TRAPPC6B: variants seen among roughly 807,000 people sequenced by gnomAD.
TRAPPC6B encodes trafficking protein particle complex subunit 6B, also known as TRAPP complex subunit 6B.
Under a neutral mutation model 24.7 loss-of-function variants are expected in TRAPPC6B, and 27 were observed. That is an observed-to-expected ratio of 1.09 (90% CI 0.81 to 1.51). The LOEUF is 1.51. Ranked by LOEUF, TRAPPC6B falls within the 40% of genes most tolerant of loss-of-function variation. The pLI is 0.00. For missense variants in TRAPPC6B, 212 were observed against 190.8 expected (o/e 1.11, Z -0.66); for synonymous variants, 80 against 66.6 (o/e 1.20, Z -0.98).
At chr14:39,164,787 A>G (rs1160408239) in intron 1 of TRAPPC6B, among the ~76,000 whole-genome samples, 3 of 152,206 alleles carry the variant, frequency 2.0e-5, no homozygotes, top group Admixed American at 6.5e-5. Flanking sequence ...CAGTGAGCCA[A>G]TATCTAGCCA....
intron 1 of TRAPPC6B, among the ~76,000 whole-genome samples, chr14:39,165,384 A>C (rs1256673125): frequency 2.6e-5 from 4 of 152,114 alleles, no homozygotes; most frequent in Admixed American, 6.6e-5. Context: ...ACATTCTCCC[A>C]GATGGCTTCC....
At chr14:39,155,251 ATT>A (rs1241661664) in intron 3 of TRAPPC6B, among the ~76,000 whole-genome samples, 1 of 151,740 alleles carries the variant, frequency 6.6e-6, no homozygotes, top group Non-Finnish European at 1.5e-5. Context: ...TTATTTATTT[ATT>A]TTTTTGAGAC....
intron 1 of TRAPPC6B, among the ~76,000 whole-genome samples, chr14:39,167,255 G>T (rs2053118218): frequency 6.6e-6 from 1 of 152,132 alleles, no homozygotes; most frequent in Admixed American, 6.5e-5. Flanking sequence ...CATTTTAAGA[G>T]AATTCCTCTT....
intron 3 of TRAPPC6B, among the ~76,000 whole-genome samples, chr14:39,155,644 C>T (rs932314476): frequency 3.9e-5 from 6 of 152,162 alleles, no homozygotes; most frequent in African/African-American, 1.4e-4. Flanking sequence ...TCAAGCAATT[C>T]TCCTTCCTCA....
intron 1 of TRAPPC6B, among the ~76,000 whole-genome samples, chr14:39,168,191 G>C (rs998022033): frequency 6.8e-6 from 1 of 147,556 alleles, no homozygotes; most frequent in African/African-American, 2.5e-5. Context: ...ACTCCAGCCT[G>C]GGAGACAAGA....
chr14:39,152,652 T>C (rs942048247), intron 4 of TRAPPC6B, among the ~76,000 whole-genome samples: 3 of 152,174 alleles, frequency 2.0e-5, no homozygotes, highest in Non-Finnish European at 2.9e-5. Flanking sequence ...GCCTTAGAGA[T>C]TGTTCATCCC....
intron 4 of TRAPPC6B, among the ~76,000 whole-genome samples, chr14:39,153,336 T>C (rs919235308): frequency 9.4e-5 from 14 of 149,112 alleles, no homozygotes; most frequent in African/African-American, 3.0e-4. Context: ...ATATAGAAAA[T>C]AGGCAATCAG....
rs192501480 is a variant in TRAPPC6B at position 39,154,235 on chromosome 14, T to C, written c.327A>G (p.Lys109=). The part of the protein sequence containing the change: ...FRLLTQMSAG[K]QYLEHASKYL... ...CCTTAGATGCATGTTCTAAATACTG[T>C]TTTCCTGCAGACATCTGAGTAAGCA... The change falls in exon 4 of 6, where the codon AAA becomes AAG. Residue 109 remains lysine (K), a synonymous_variant. Coordinates refer to ENST00000330149, the MANE Select transcript of TRAPPC6B (RefSeq NM_001079537.2). The C allele has an allele frequency of 1.5e-4, 234 of 1,612,750 alleles. 2 individuals carry two copies. The African/African-American group carries it at 2.7e-3, about 19-fold the overall frequency.
chr14:39,152,617 G>C (rs1051675098), intron 4 of TRAPPC6B, among the ~76,000 whole-genome samples: 1 of 152,120 alleles, frequency 6.6e-6, no homozygotes, highest in African/African-American at 2.4e-5. Context: ...CTAGATCTGA[G>C]TCATGAAATT....
chr14:39,156,279 G>A (rs901223543), intron 3 of TRAPPC6B, among the ~76,000 whole-genome samples: 3 of 152,174 alleles, frequency 2.0e-5, no homozygotes, highest in African/African-American at 7.2e-5. Flanking sequence ...GAGCCCAAGA[G>A]TTTGAGACCA....
chr14:39,169,903 G>A lies in TRAPPC6B; in HGVS notation c.81+112C>T. ...GACACCTGGAGGTGGACCATTTTGT[G>A]TACACCTCGGGAGGCGTCGGGTGGC... On this transcript the variant is annotated intron_variant, in intron 1 of 5. Coordinates refer to ENST00000330149, the MANE Select transcript of TRAPPC6B (RefSeq NM_001079537.2). The A allele has an allele frequency of 1.1e-5, 11 of 993,490 alleles. No homozygotes were observed. In the South Asian group the frequency reaches 1.5e-4, roughly 13 times the overall value. The allele number at this position is 993,490 out of a possible 1,614,324, so 61.5% of individuals were successfully genotyped here. A position where few individuals can be genotyped will look rare whatever the true frequency, so the allele number is the denominator to read the frequency against.
rs193142567 is a variant in TRAPPC6B at position 39,163,480 on chromosome 14, G to A, written c.82-3930C>T. On this transcript the variant is annotated intron_variant, in intron 1 of 5. Transcript: ENST00000330149. ...AATCAGAAACTCTGGGTATGGGGCC[G>A]CTAATCAGCTTTAACAAACCTTCTA... Among the ~76,000 whole-genome samples, 301 of 150,546 alleles carry A rather than the reference G, an allele frequency of 2.0e-3. 3 individuals are homozygous for A. Among genetic ancestry groups the A allele is most frequent in the Middle Eastern group, 3.4e-3 (1 of 290 alleles).
At chr14:39,163,294 C>T (rs2053077577) in intron 1 of TRAPPC6B, among the ~76,000 whole-genome samples, 1 of 149,384 alleles carries the variant, frequency 6.7e-6, no homozygotes. Flanking sequence ...ACGCTTGAAC[C>T]CAGGAGGCAG....
At position 39,148,773 on chromosome 14, in the gene TRAPPC6B, AGG is replaced by A; in HGVS notation, c.*1575_*1576del. ...ATTGCAGTCATGCATTGCTTAGCAAAGGGGATACATTCTGAGAAATGCATCAT... is the reference window on the plus strand; with the variant it reads ...ATTGCAGTCATGCATTGCTTAGCAAAGGATACATTCTGAGAAATGCATCAT... On this transcript the variant is annotated 3_prime_UTR_variant, in exon 6 of 6. Transcript: ENST00000330149. 2.5e-6 allele frequency: 1 copy of A among 398,444 alleles called. No homozygotes were observed. 24.7% of individuals were successfully genotyped at this position (398,444 alleles called of 1,614,324 possible).
rs1045551519 is a variant in TRAPPC6B at position 39,163,858 on chromosome 14, T to C, written c.82-4308A>G. 2.0e-5 allele frequency among the ~76,000 whole-genome samples: 3 copies of C among 151,090 alleles called. 1 individual carries two copies. The highest frequency in any genetic ancestry group is 2.1e-4 in the South Asian group (1 of 4,834). On this transcript the variant is annotated intron_variant, in intron 1 of 5. Coordinates refer to ENST00000330149, the MANE Select transcript of TRAPPC6B (RefSeq NM_001079537.2). Reference sequence around the variant, plus strand: ...CTTCGAAGTATGCATATTCAAATGATATTCATTTTATTAATGTCTTCAGCC... The same window carrying C: ...CTTCGAAGTATGCATATTCAAATGACATTCATTTTATTAATGTCTTCAGCC...
chr14:39,158,694 A>G (rs888841912), intron 2 of TRAPPC6B: 6 of 248,348 alleles, frequency 2.4e-5, no homozygotes, highest in Admixed American at 5.6e-5. Flanking sequence ...GCTAATCTGT[A>G]TATCTTTGTA....
intron 1 of TRAPPC6B, among the ~76,000 whole-genome samples, chr14:39,165,260 C>A (rs565597860): frequency 4.6e-5 from 7 of 152,066 alleles, no homozygotes; most frequent in African/African-American, 1.7e-4. Context: ...TTAGCCAGGA[C>A]GGTCTCGATC....
At chr14:39,160,648 G>A (rs983694472) in intron 1 of TRAPPC6B, among the ~76,000 whole-genome samples, 3 of 150,968 alleles carry the variant, frequency 2.0e-5, no homozygotes, top group Non-Finnish European at 2.9e-5. Flanking sequence ...AGGGAAGGGA[G>A]AAAGAGAGAG....
chr14:39,167,619 T>TA (rs1240827698), intron 1 of TRAPPC6B, among the ~76,000 whole-genome samples: 2 of 152,208 alleles, frequency 1.3e-5, no homozygotes, highest in East Asian at 3.8e-4. Flanking sequence ...TGAACCCTTA[T>TA]ATACCCGTAT....
Sources: allele counts gnomAD v4.1 joint callset (sites outside exome capture counted in the v4.1 genomes callset), GRCh38; gene constraint gnomAD v4.1.1; transcripts MANE v1.5; gene names NCBI Gene and HGNC (gene_info 2026-07-23, HGNC 2026-07-21).